Variants in LRRC37B observed in about 807,000 individuals in gnomAD.
The protein encoded by LRRC37B is leucine rich repeat containing 37B.
LRRC37B carries 28 observed loss-of-function variants against 98.3 expected under a neutral mutation model. That is an observed-to-expected ratio of 0.28 (90% CI 0.21 to 0.39). The LOEUF is 0.39. Ranked by LOEUF, LRRC37B falls within the 10% of genes least tolerant of loss-of-function variation. LRRC37B has a pLI of 1.00. For missense variants in LRRC37B, 938 were observed against 1,182.7 expected (o/e 0.79, Z 3.03); for synonymous variants, 364 against 442.7 (o/e 0.82, Z 2.23).
In LRRC37B at chr17:32,050,119, A is replaced by T; in HGVS notation, c.2862+12A>T. ...TTTGTCTTATAGAGGTAAGGACAAT[A>T]ATTAATTCAGGTTTTCAGAATACAA... On this transcript the variant is annotated intron_variant, in intron 11 of 11. Transcript: ENST00000327564. The T allele has an allele frequency of 7.5e-7, 1 of 1,340,972 alleles. No individual in the cohort carries two copies. Among genetic ancestry groups the T allele is most frequent in the South Asian group, 1.2e-5 (1 of 85,236 alleles). 83.1% of individuals were successfully genotyped at this position (1,340,972 alleles called of 1,614,324 possible).
chr17:32,048,852 C>T (rs1911662276), intron 9 of LRRC37B: 1 of 1,482,574 alleles, frequency 6.7e-7, no homozygotes, highest in Middle Eastern at 2.4e-4. Flanking sequence ...GTTGCTCCTT[C>T]AGAACGTTTT....
At chr17:32,021,848 C>G (rs761033621) in exon 1 of LRRC37B, 1 of 1,614,022 alleles carries the variant, frequency 6.2e-7, no homozygotes, top group East Asian at 2.2e-5. Flanking sequence ...CACTGTATCC[C>G]GGCAGCCTAC....
chr17:32,022,670 A>G (rs575608957), exon 1 of LRRC37B: 2 of 1,614,000 alleles, frequency 1.2e-6, no homozygotes, highest in East Asian at 4.5e-5. Context: ...CTGAAACTGC[A>G]CCAGAGGAAC....
chr17:32,022,916 C>G (rs879186922), intron 1 of LRRC37B, 91 bp downstream of exon 4: 1 of 1,229,432 alleles, frequency 8.1e-7, no homozygotes, highest in Non-Finnish European at 1.2e-6. Flanking sequence ...TTTATCTCCC[C>G]AAGCCATACT....
At chr17:32,035,431 G>A (rs1911220538) in intron 6 of LRRC37B, 134 bp from the exon 10 acceptor site, 8 of 932,354 alleles carry the variant, frequency 8.6e-6, no homozygotes, top group Non-Finnish European at 1.3e-5. Context: ...GAATTTTACG[G>A]CAAATAAACT....
chr17:32,038,559 G>C (rs1192896421), intron 7 of LRRC37B, among the ~76,000 whole-genome samples: 1 of 152,154 alleles, frequency 6.6e-6, no homozygotes, highest in African/African-American at 2.4e-5. Context: ...TTTTCATTCT[G>C]TTAAAAGTGT....
chr17:32,013,774 T>C (rs1375811518), intron 1 of LRRC37B, among the ~76,000 whole-genome samples: 2 of 152,072 alleles, frequency 1.3e-5, no homozygotes, highest in East Asian at 3.8e-4. Context: ...TATATAGATA[T>C]GTATCTATAC....
At chr17:32,023,210 C>T (rs1278817172) in intron 1 of LRRC37B, among the ~76,000 whole-genome samples, 1 of 151,080 alleles carries the variant, frequency 6.6e-6, no homozygotes, top group Non-Finnish European at 1.5e-5. Context: ...CAACCTCCGT[C>T]TCCCGGGTTC....
At chr17:32,047,627 G>A (rs1283008453) in intron 8 of LRRC37B, 134 bp from the exon 12 acceptor site, 2 of 1,332,554 alleles carry the variant, frequency 1.5e-6, no homozygotes, top group Non-Finnish European at 2.1e-6. Flanking sequence ...TTGGGTGTAT[G>A]TTTCTCCTCT....
intron 1 of LRRC37B, among the ~76,000 whole-genome samples, chr17:32,014,738 A>G (rs905927325): frequency 4.6e-5 from 7 of 152,212 alleles, no homozygotes; most frequent in African/African-American, 1.7e-4. Flanking sequence ...ACATATATCT[A>G]TATACATGTA....
At chr17:32,041,788 C>T (rs1437776305) in intron 7 of LRRC37B, 3 of 458,642 alleles carry the variant, frequency 6.5e-6, no homozygotes, top group African/African-American at 2.0e-5. Flanking sequence ...CCGGCCTCCT[C>T]CCTGCTCCCC....
exon 10 of LRRC37B, chr17:32,049,330 A>C (rs897129627): frequency 6.2e-7 from 1 of 1,613,356 alleles, no homozygotes; most frequent in Non-Finnish European, 8.5e-7. Context: ...ACGGACCAAC[A>C]AAAAACAAAT....
At chr17:32,043,068 G>A (rs1349407685) in intron 7 of LRRC37B, among the ~76,000 whole-genome samples, 2 of 152,098 alleles carry the variant, frequency 1.3e-5, no homozygotes. Context: ...GGGTCATTAT[G>A]TCTGCAACTG....
chr17:32,035,597 C>T (rs146905900), exon 7 of LRRC37B: 7 of 1,612,206 alleles, frequency 4.3e-6, no homozygotes, highest in Non-Finnish European at 5.1e-6. Context: ...ACACTTACAA[C>T]ACTTAAGAAC....
At chr17:32,022,801 C>T in exon 1 of LRRC37B, 7 of 1,613,914 alleles carry the variant, frequency 4.3e-6, no homozygotes, top group Admixed American at 1.7e-5. Flanking sequence ...GAGCCCGACA[C>T]CTACAATGGC....
intron 2 of LRRC37B, among the ~76,000 whole-genome samples, chr17:32,026,660 C>G (rs1009334214): frequency 1.3e-5 from 2 of 152,072 alleles, no homozygotes; most frequent in African/African-American, 4.8e-5. Flanking sequence ...AACTCATGAT[C>G]TCAGGTGATT....
chr17:32,035,505 T>G (rs1489061272), intron 6 of LRRC37B, 60 bp from the exon 10 acceptor site: 2 of 1,520,336 alleles, frequency 1.3e-6, no homozygotes, highest in Non-Finnish European at 1.8e-6. Flanking sequence ...TGAATTATCT[T>G]TTGAAGTACA....
Position 32,024,798 on chromosome 17 carries a change from C to T in LRRC37B, c.1832+16C>T, listed in dbSNP as rs771624982. On this transcript the variant is annotated intron_variant, in intron 2 of 11. Transcript: ENST00000327564. Reference sequence around the variant, plus strand: ...CCGAGAAACTGTGAGTATATTCTCTCCAAATATGACAAAAAACTAACTGCA... The same window carrying T: ...CCGAGAAACTGTGAGTATATTCTCTTCAAATATGACAAAAAACTAACTGCA... 6.4e-5 allele frequency: 102 copies of T among 1,598,356 alleles called. No individual in the cohort carries two copies. Among genetic ancestry groups the T allele is most frequent in the Admixed American group, 5.5e-4 (32 of 58,140 alleles).
At chr17:32,035,488 A>G in intron 6 of LRRC37B, 77 bp from the exon 10 acceptor site, 1 of 1,445,456 alleles carries the variant, frequency 6.9e-7, no homozygotes, top group Non-Finnish European at 9.6e-7. Flanking sequence ...AAGTAATCAC[A>G]TGTCCTTGAA....
Sources: allele counts gnomAD v4.1 joint callset (sites outside exome capture counted in the v4.1 genomes callset), GRCh38; gene constraint gnomAD v4.1.1; transcripts MANE v1.5; gene names NCBI Gene and HGNC (gene_info 2026-07-23, HGNC 2026-07-21).